Variants in KDM3B observed in about 807,000 individuals in gnomAD.
KDM3B encodes lysine-specific demethylase 3B.
A neutral mutation model predicts 170.0 loss-of-function variants in KDM3B; 10 were observed. The observed-to-expected ratio is 0.06, with a 90% CI of 0.04 to 0.10. The LOEUF is 0.10. Among genes scored for constraint, KDM3B ranks in the 10% least tolerant of loss-of-function variants. The pLI is 1.00. For synonymous variants in KDM3B, 831 were observed against 834.8 expected, an observed-to-expected ratio of 1.00 and a Z score of 0.08; for missense variants, 1,394 against 2,195.2, an observed-to-expected ratio of 0.64 and a Z score of 7.29.
chr5:138,430,151 C>T (rs1763494442), intron 21 of KDM3B, 98 bp from the exon 22 acceptor site: 1 of 1,415,800 alleles, frequency 7.1e-7, no homozygotes, highest in African/African-American at 1.4e-5. Flanking sequence ...TAAAGTTTTG[C>T]CATCCCCACC....
intron 15 of KDM3B, among the ~76,000 whole-genome samples, chr5:138,421,176 G>T (rs901899861): frequency 1.2e-4 from 18 of 152,244 alleles, no homozygotes; most frequent in Middle Eastern, 3.4e-3. Context: ...GAAATGTTTC[G>T]GTCATCAGCA....
chr5:138,414,829 C>T (rs1283755282), intron 11 of KDM3B, among the ~76,000 whole-genome samples: 1 of 152,122 alleles, frequency 6.6e-6, no homozygotes, highest in Non-Finnish European at 1.5e-5. Flanking sequence ...TGATGGTGCA[C>T]TCCTGTAGTT....
At chr5:138,359,955 T>C (rs1426210400) in intron 1 of KDM3B, among the ~76,000 whole-genome samples, 1 of 152,216 alleles carries the variant, frequency 6.6e-6, no homozygotes, top group African/African-American at 2.4e-5. Context: ...GTTTCTTCTA[T>C]CTGAGAGTCT....
chr5:138,371,437 A>G (rs1456037235), intron 1 of KDM3B, among the ~76,000 whole-genome samples: 1 of 151,838 alleles, frequency 6.6e-6, no homozygotes, highest in African/African-American at 2.4e-5. Flanking sequence ...TTTGGGCAAC[A>G]AAGTGAGACC....
chr5:138,384,105 G>A (rs1762194226), intron 6 of KDM3B, among the ~76,000 whole-genome samples: 1 of 151,424 alleles, frequency 6.6e-6, no homozygotes, highest in Non-Finnish European at 1.5e-5. Flanking sequence ...AATTAGCCGG[G>A]CGCGGTGGCG....
intron 13 of KDM3B, 40 bp from the exon 14 acceptor site, chr5:138,418,913 A>G: frequency 6.3e-7 from 1 of 1,596,862 alleles, no homozygotes; most frequent in Non-Finnish European, 8.6e-7. Flanking sequence ...TTTTCTACCC[A>G]AGCACAGCAC....
chr5:138,387,908 C>T (rs897746129), intron 7 of KDM3B, among the ~76,000 whole-genome samples: 4 of 152,000 alleles, frequency 2.6e-5, no homozygotes, highest in Non-Finnish European at 5.9e-5. Context: ...GGTGAAACCC[C>T]ATCTCTACTA....
intron 2 of KDM3B, among the ~76,000 whole-genome samples, chr5:138,374,846 T>C (rs992449582): frequency 3.9e-5 from 6 of 152,202 alleles, no homozygotes; most frequent in Non-Finnish European, 8.8e-5. Context: ...TAGGAGAATT[T>C]CTGATTCCTC....
chr5:138,380,294 T>G (rs1180431026), intron 5 of KDM3B, among the ~76,000 whole-genome samples: 2 of 149,220 alleles, frequency 1.3e-5, no homozygotes, highest in Non-Finnish European at 3.0e-5. Flanking sequence ...GCCAGAATAT[T>G]ATTATATTAT....
chr5:138,366,815 G>A (rs554252069), intron 1 of KDM3B, among the ~76,000 whole-genome samples: 1 of 152,162 alleles, frequency 6.6e-6, no homozygotes, highest in Non-Finnish European at 1.5e-5. Context: ...GAGTGCACAC[G>A]CTGCCTAAAG....
intron 13 of KDM3B, among the ~76,000 whole-genome samples, chr5:138,418,155 C>T (rs768114960): frequency 1.4e-5 from 2 of 144,552 alleles, no homozygotes. Context: ...TCTCGGCTCA[C>T]TGCAACCTCT....
intron 11 of KDM3B, among the ~76,000 whole-genome samples, chr5:138,404,340 A>G (rs1762762875): frequency 6.6e-6 from 1 of 152,200 alleles, no homozygotes; most frequent in Non-Finnish European, 1.5e-5. Context: ...TAAGAATGAC[A>G]GGCTGGCCGG....
In KDM3B at chr5:138,420,821, G is replaced by C. The variant is rs780776870; in HGVS notation, c.3831G>C (p.Leu1277=). 6.2e-7 allele frequency: 1 copy of C among 1,614,042 alleles called. No individual in the cohort carries two copies. Among genetic ancestry groups the C allele is most frequent in the African/African-American group, 1.3e-5 (1 of 74,926 alleles). The stretch of plus-strand genomic sequence containing the variant: ...TGACTCCAAAGCTTTTTAACAGTCT[G>C]TTGCTGGGTCCCACTGCCTCCAACA... The part of the protein sequence containing the change: ...SPLTPKLFNS[L]LLGPTASNNK... The change falls in exon 15 of 24, where the codon CTG becomes CTC. Residue 1277 remains leucine, a synonymous_variant. Coordinates refer to ENST00000314358, the MANE Select transcript of KDM3B (RefSeq NM_016604.4).
In KDM3B at chr5:138,419,019, G is replaced by C. The variant is rs1362920000; in HGVS notation, c.3502G>C (p.Ala1168Pro). The change falls in exon 14 of 24, where the codon GCA becomes CCA. Residue 1168 changes from alanine to proline, a missense_variant. This residue lies in a region of KDM3B where 87 missense variants were observed against 83.3 expected (regional missense o/e 1.04). Coordinates refer to ENST00000314358, the MANE Select transcript of KDM3B (RefSeq NM_016604.4). ...TACCTTCTCTGGTGGAGGAGGACCG[G>C]CACCAGTAACAACTCCAGAGCCGGA... ...ETTFSGGGGP[A>P]PVTTPEPDHV... The C allele has an allele frequency of 6.2e-7, 1 of 1,614,018 alleles. No homozygotes were observed. The highest frequency in any genetic ancestry group is 1.3e-5 in the African/African-American group (1 of 74,904).
intron 9 of KDM3B, among the ~76,000 whole-genome samples, chr5:138,397,557 C>T (rs1454905599): frequency 2.0e-5 from 3 of 151,216 alleles, no homozygotes; most frequent in African/African-American, 4.9e-5. Context: ...CTGTGTTAGC[C>T]GGGAGTGGTG....
rs1453076504 is a variant in KDM3B, at chr5:138,352,794, C to T, written c.-2C>T. On this transcript the variant is annotated 5_prime_UTR_variant, in exon 1 of 24. Transcript: ENST00000314358. ...GGAGCGCGGGTCAGGCCGGCCCCGG[C>T]GATGGCGGACGCGGCGGCCTCCCCG... The T allele has an allele frequency of 7.8e-7, 1 of 1,282,894 alleles. No individual in the cohort carries two copies. Among genetic ancestry groups the T allele is most frequent in the Non-Finnish European group, 9.9e-7 (1 of 1,015,090 alleles). 79.5% of individuals were successfully genotyped at this position (1,282,894 alleles called of 1,614,324 possible). A position where few individuals can be genotyped will look rare whatever the true frequency, so the allele number is the denominator to read the frequency against.
At chr5:138,389,587 A>G (rs1160543130) in intron 7 of KDM3B, among the ~76,000 whole-genome samples, 1 of 152,334 alleles carries the variant, frequency 6.6e-6, no homozygotes, top group Non-Finnish European at 1.5e-5. Context: ...GGAAAACTCC[A>G]TATCCATTAA....
chr5:138,424,482 T>C, intron 16 of KDM3B, 141 bp downstream of exon 16: 2 of 1,045,804 alleles, frequency 1.9e-6, no homozygotes, highest in South Asian at 1.7e-5. Context: ...TCGAGTTGTC[T>C]TGGATTTTTA....
In KDM3B at chr5:138,355,666, C is replaced by G. The variant is rs186628598; in HGVS notation, c.192+2679C>G. ...GTTTATGGGTTGTATGCATTTATCT[C>G]TGGCTTTTCTTTCCTAATCTGGTGT... On this transcript the variant is annotated intron_variant, in intron 1 of 23. Coordinates refer to ENST00000314358, the MANE Select transcript of KDM3B (RefSeq NM_016604.4). 4.6e-5 allele frequency among the ~76,000 whole-genome samples: 7 copies of G among 152,286 alleles called. 1 individual carries two copies. Among genetic ancestry groups the G allele is most frequent in the Admixed American group, 3.9e-4 (6 of 15,300 alleles).
Sources: gnomAD v4.1 joint callset for allele counts (sites outside exome capture counted in the v4.1 genomes callset) on GRCh38, gnomAD v4.1.1 for gene constraint, gnomAD v4.1.1 regional missense constraint, MANE v1.5 for transcripts, NCBI Gene and HGNC (gene_info 2026-07-23, HGNC 2026-07-21) for gene names.